The following TMTC2 variants were observed in gnomAD, a reference collection of about 807,000 sequenced individuals.
The protein encoded by TMTC2 is transmembrane O-mannosyltransferase targeting cadherins 2.
TMTC2 carries 43 observed loss-of-function variants against 82.4 expected under a neutral mutation model. That is an observed-to-expected ratio of 0.52 (90% confidence interval 0.41 to 0.67). The LOEUF is 0.67. Among genes scored for constraint, TMTC2 ranks in the 30% least tolerant of loss-of-function variants. The pLI is 0.00. For synonymous variants in TMTC2, 408 were observed against 381.9 expected (o/e 1.07, Z -0.80); for missense variants, 919 against 1,012.4 (o/e 0.91, Z 1.25).
At chr12:82,995,627 T>C (rs1477614868) in intron 8 of TMTC2, among the ~76,000 whole-genome samples, 5 of 152,218 alleles carry the variant, frequency 3.3e-5, no homozygotes, top group Non-Finnish European at 4.4e-5. Context: ...TTCACATTTT[T>C]CCCAAGTTCT....
chr12:82,802,655 A>T (rs962915319), intron 1 of TMTC2, among the ~76,000 whole-genome samples: 1 of 152,306 alleles, frequency 6.6e-6, no homozygotes. Context: ...AGGGTAAAGG[A>T]GAAAGAATTC....
At chr12:82,690,961 T>C (rs17009854) in intron 1 of TMTC2, among the ~76,000 whole-genome samples, 16,553 of 152,196 alleles carry the variant, frequency 0.11, 1,057 homozygotes, top group East Asian at 0.24. Flanking sequence ...AATACTGTTA[T>C]GAGTTTCTTA....
chr12:82,807,570 C>G (rs2137045071), intron 1 of TMTC2, among the ~76,000 whole-genome samples: 1 of 152,128 alleles, frequency 6.6e-6, no homozygotes, highest in South Asian at 2.1e-4. Context: ...TTTCTAATGA[C>G]TGATGGAAAT....
intron 4 of TMTC2, among the ~76,000 whole-genome samples, chr12:82,955,100 T>C (rs1370326188): frequency 2.0e-5 from 3 of 152,216 alleles, no homozygotes; most frequent in Admixed American, 6.5e-5. Flanking sequence ...TCAACTTTAG[T>C]GCTGTTGACA....
chr12:83,036,477 T>TA (rs1565863579), intron 9 of TMTC2, among the ~76,000 whole-genome samples: 5 of 147,648 alleles, frequency 3.4e-5, no homozygotes, highest in African/African-American at 1.3e-4. Flanking sequence ...TGTCCCCGAG[T>TA]CTTTTTTTTT....
At chr12:82,998,391 C>T (rs911441135) in intron 8 of TMTC2, among the ~76,000 whole-genome samples, 2 of 151,982 alleles carry the variant, frequency 1.3e-5, no homozygotes, top group African/African-American at 4.8e-5. Flanking sequence ...AGTTGAACTA[C>T]TAGTTGATAA....
chr12:83,116,562 G>T (rs1225851187), intron 11 of TMTC2, among the ~76,000 whole-genome samples: 2 of 152,166 alleles, frequency 1.3e-5, no homozygotes, highest in African/African-American at 2.4e-5. Context: ...CAGCAGTGTA[G>T]AAGTGTTCCC....
At chr12:83,085,897 A>C (rs1019414114) in intron 11 of TMTC2, among the ~76,000 whole-genome samples, 1 of 152,198 alleles carries the variant, frequency 6.6e-6, no homozygotes, top group Non-Finnish European at 1.5e-5. Flanking sequence ...TTTTAAATCT[A>C]TCTCCTGTCA....
At chr12:82,895,389 A>C (rs895311515) in intron 2 of TMTC2, among the ~76,000 whole-genome samples, 2 of 152,176 alleles carry the variant, frequency 1.3e-5, no homozygotes, top group Admixed American at 6.5e-5. Flanking sequence ...GTTTTTCTTC[A>C]AAATCTAAAC....
At chr12:82,705,317 C>G (rs1565715142) in intron 1 of TMTC2, among the ~76,000 whole-genome samples, 1 of 151,998 alleles carries the variant, frequency 6.6e-6, no homozygotes, top group African/African-American at 2.4e-5. Context: ...CATCTGTTCC[C>G]CAATAACCTA....
Position 83,050,966 on chromosome 12 carries a change from G to GAA in TMTC2, c.2216_2217dup (p.Leu740AsnfsTer2). On this transcript the variant is annotated frameshift_variant, in exon 10 of 12. Transcript: ENST00000321196. LOFTEE classifies it high-confidence loss of function. ...AGCTGAGATGGCAAAAAAAGCAGCT[G>GAA]AACTAGACAGCACAGAGTTTGATGT... The GAA allele has an allele frequency of 6.2e-7, 1 of 1,613,238 alleles. No individual in the cohort carries two copies. The highest frequency in any genetic ancestry group is 8.5e-7 in the Non-Finnish European group (1 of 1,179,504).
chr12:83,124,133 T>C (rs979159015), intron 11 of TMTC2, among the ~76,000 whole-genome samples: 2 of 152,236 alleles, frequency 1.3e-5, no homozygotes, highest in Non-Finnish European at 2.9e-5. Context: ...TAATAGGTTA[T>C]AGTAAATGCC....
intron 3 of TMTC2, among the ~76,000 whole-genome samples, chr12:82,905,853 G>C (rs926974683): frequency 3.0e-4 from 46 of 151,788 alleles, no homozygotes; most frequent in African/African-American, 1.1e-3. Flanking sequence ...GCTGAGGCAG[G>C]AGAATCGCTT....
At chr12:82,812,171 T>G (rs912685686) in intron 1 of TMTC2, among the ~76,000 whole-genome samples, 1 of 152,084 alleles carries the variant, frequency 6.6e-6, no homozygotes, top group African/African-American at 2.4e-5. Context: ...TACCATAATT[T>G]TTCTTTTTAA....
intron 3 of TMTC2, among the ~76,000 whole-genome samples, chr12:82,917,111 T>C (rs1875043569): frequency 6.6e-6 from 1 of 152,186 alleles, no homozygotes; most frequent in African/African-American, 2.4e-5. Flanking sequence ...AGTAAAATGC[T>C]CAGTCTACAA....
intron 3 of TMTC2, among the ~76,000 whole-genome samples, chr12:82,926,461 A>T (rs1011589904): frequency 6.6e-6 from 1 of 152,244 alleles, no homozygotes; most frequent in African/African-American, 2.4e-5. Context: ...TGAAGGAAAG[A>T]AGCCAGCTCT....
intron 11 of TMTC2, among the ~76,000 whole-genome samples, chr12:83,083,657 T>C (rs543437268): frequency 1.3e-5 from 2 of 152,334 alleles, no homozygotes; most frequent in South Asian, 4.1e-4. Flanking sequence ...TTGTCCTCTC[T>C]GTGCCAACTT....
chr12:82,914,037 A>G (rs1336989053), intron 3 of TMTC2, among the ~76,000 whole-genome samples: 2 of 152,176 alleles, frequency 1.3e-5, no homozygotes, highest in African/African-American at 2.4e-5. Context: ...CAAGGGTGAC[A>G]TGTATTTGCA....
At chr12:82,923,516 T>C (rs570784959) in intron 3 of TMTC2, among the ~76,000 whole-genome samples, 6 of 152,254 alleles carry the variant, frequency 3.9e-5, no homozygotes, top group African/African-American at 1.2e-4. Flanking sequence ...ATTTTTTTTT[T>C]ACATTTCAAA....
Sources: gnomAD v4.1 joint callset for allele counts (sites outside exome capture counted in the v4.1 genomes callset) on GRCh38, gnomAD v4.1.1 for gene constraint, MANE v1.5 for transcripts, NCBI Gene and HGNC (gene_info 2026-07-23, HGNC 2026-07-21) for gene names.